The following MECOM variants were observed in gnomAD, a reference collection of about 807,000 sequenced individuals.
The protein encoded by MECOM is histone-lysine N-methyltransferase MECOM.
In MECOM, 13 loss-of-function variants were observed where a neutral mutation model predicts 116.3. That is an observed-to-expected ratio of 0.11 (90% CI 0.07 to 0.18). The LOEUF (loss-of-function observed/expected upper bound fraction) is 0.18. MECOM is among the 10% of genes least tolerant of loss of function. The probability of loss-of-function intolerance (pLI) is 1.00; values close to 1 mark genes in which losing one functional copy is unlikely to be tolerated. For missense variants in MECOM, 1,299 were observed against 1,509.0 expected, an observed-to-expected ratio of 0.86 and a Z score of 2.31; for synonymous variants, 528 against 535.2, an observed-to-expected ratio of 0.99 and a Z score of 0.19.
At chr3:169,095,042 T>G (rs780185513) in intron 13 of MECOM, 34 bp downstream of exon 13, 1 of 1,471,586 alleles carries the variant, frequency 6.8e-7, no homozygotes, top group Admixed American at 2.3e-5. Context: ...GAAAAAGAAG[T>G]CATCTTTGAC....
At chr3:169,455,940 C>A (rs893969992) in intron 1 of MECOM, among the ~76,000 whole-genome samples, 2 of 152,168 alleles carry the variant, frequency 1.3e-5, no homozygotes, top group Admixed American at 6.5e-5. Context: ...CTAGTCCAAG[C>A]CAGAGGCTGC....
intron 2 of MECOM, among the ~76,000 whole-genome samples, chr3:169,194,318 G>A (rs545854673): frequency 6.6e-6 from 1 of 152,154 alleles, no homozygotes; most frequent in South Asian, 2.1e-4. Flanking sequence ...CCGTTGTGGG[G>A]TGGGGGGAGT....
chr3:169,489,859 A>AAAATGTATATATATATATATATAT (rs1298429303), intron 1 of MECOM, among the ~76,000 whole-genome samples: 2 of 152,226 alleles, frequency 1.3e-5, no homozygotes, highest in Admixed American at 1.3e-4. Context: ...TAAAAGCACA[A>AAAATGTATATATATATATATATAT]ACATATAAAG....
chr3:169,191,766 G>GAA (rs1321261855), intron 2 of MECOM, among the ~76,000 whole-genome samples: 32 of 133,394 alleles, frequency 2.4e-4, no homozygotes, highest in African/African-American at 9.0e-4. Context: ...AAGAAAGAAA[G>GAA]AAAGAAAGAA....
At chr3:169,134,081 G>T (rs980517142) in intron 3 of MECOM, 1 of 490,140 alleles carries the variant, frequency 2.0e-6, no homozygotes, top group African/African-American at 2.0e-5. Flanking sequence ...CTCTATTGGG[G>T]AATACTACTT....
intron 2 of MECOM, among the ~76,000 whole-genome samples, chr3:169,379,939 C>T (rs1194338483): frequency 6.6e-6 from 1 of 152,112 alleles, no homozygotes; most frequent in African/African-American, 2.4e-5. Context: ...GCAGCTAAAC[C>T]TCAGCTTTAC....
intron 1 of MECOM, among the ~76,000 whole-genome samples, chr3:169,458,688 A>T (rs968968817): frequency 1.3e-5 from 2 of 152,154 alleles, no homozygotes; most frequent in Non-Finnish European, 2.9e-5. Flanking sequence ...AGGACTGGTG[A>T]CACTTTATTG....
At chr3:169,304,535 A>G (rs1717325190) in intron 2 of MECOM, among the ~76,000 whole-genome samples, 1 of 152,196 alleles carries the variant, frequency 6.6e-6, no homozygotes, top group Non-Finnish European at 1.5e-5. Context: ...AAGCTGCTGG[A>G]CCATTCAGAA....
In MECOM at chr3:169,336,268, TG is replaced by T. The variant is rs1479861225; in HGVS notation, c.375+44918del. On this transcript the variant is annotated intron_variant, in intron 2 of 16. Coordinates refer to ENST00000651503, the MANE Select transcript of MECOM (RefSeq NM_004991.4). ...TCCTGAGTACAATCTAGGGAGCTTCTGGGGGGCCAAATGAAGTCATAGAAGC... is the reference window on the plus strand; with the variant it reads ...TCCTGAGTACAATCTAGGGAGCTTCTGGGGGCCAAATGAAGTCATAGAAGC... Among the ~76,000 whole-genome samples, 24 of 152,008 alleles carry T rather than the reference TG, an allele frequency of 1.6e-4. 1 individual carries two copies.
intron 1 of MECOM, among the ~76,000 whole-genome samples, chr3:169,548,022 C>T (rs1164583018): frequency 1.3e-5 from 2 of 152,192 alleles, no homozygotes; most frequent in African/African-American, 4.8e-5. Flanking sequence ...ATGGAGACAT[C>T]AGTACCAATG....
chr3:169,093,797 G>A (rs1021418445), intron 13 of MECOM, among the ~76,000 whole-genome samples: 2 of 152,148 alleles, frequency 1.3e-5, no homozygotes, highest in Non-Finnish European at 2.9e-5. Flanking sequence ...ATATGTGGTT[G>A]AGCTTTACAC....
chr3:169,491,709 T>C (rs998056317), intron 1 of MECOM, among the ~76,000 whole-genome samples: 1 of 152,204 alleles, frequency 6.6e-6, no homozygotes, highest in Non-Finnish European at 1.5e-5. Context: ...CAAAACTAGC[T>C]CTGTAAGACA....
In MECOM at chr3:169,253,332, G is replaced by A. The variant is rs544642371; in HGVS notation, c.376-109500C>T. ...AAAGGGATCAAGAAATATCTCTAGC[G>A]TGTAACTAAAGGAATTCTCAGCAAA... On this transcript the variant is annotated intron_variant, in intron 2 of 16. Transcript: ENST00000651503. Among the ~76,000 whole-genome samples, 10 of 151,678 alleles carry A rather than the reference G, an allele frequency of 6.6e-5. No homozygotes were observed. The East Asian group carries it at 9.7e-4, about 15-fold the overall frequency.
At chr3:169,495,738 C>T (rs921448727) in intron 1 of MECOM, among the ~76,000 whole-genome samples, 4 of 152,164 alleles carry the variant, frequency 2.6e-5, no homozygotes, top group Admixed American at 2.6e-4. Context: ...CAGTCACTCA[C>T]AAAAGCTCTT....
chr3:169,291,707 T>C (rs1327920212), intron 2 of MECOM, among the ~76,000 whole-genome samples: 2 of 152,214 alleles, frequency 1.3e-5, no homozygotes, highest in Middle Eastern at 3.2e-3. Flanking sequence ...CTCAGATGTA[T>C]AGAACATTCT....
intron 2 of MECOM, among the ~76,000 whole-genome samples, chr3:169,195,042 C>T (rs527612551): frequency 1.7e-4 from 26 of 152,136 alleles, no homozygotes; most frequent in Admixed American, 1.5e-3. Flanking sequence ...ATCTTTCAAC[C>T]TCAGTTTCCA....
intron 2 of MECOM, among the ~76,000 whole-genome samples, chr3:169,374,935 A>G (rs1730760864): frequency 6.6e-6 from 1 of 151,846 alleles, no homozygotes; most frequent in Non-Finnish European, 1.5e-5. Context: ...TACTTGGAAG[A>G]CTGAGGCTGG....
intron 1 of MECOM, among the ~76,000 whole-genome samples, chr3:169,519,233 T>A (rs183580910): frequency 6.6e-6 from 1 of 152,308 alleles, no homozygotes; most frequent in East Asian, 1.9e-4. Flanking sequence ...AACTATAGAA[T>A]CATATTATAT....
At chr3:169,274,630 C>T (rs1428894395) in intron 2 of MECOM, among the ~76,000 whole-genome samples, 5 of 152,058 alleles carry the variant, frequency 3.3e-5, no homozygotes. Flanking sequence ...TTTCTCTAGT[C>T]CTATATGAAT....
Sources: allele counts gnomAD v4.1 joint callset (sites outside exome capture counted in the v4.1 genomes callset), GRCh38; gene constraint gnomAD v4.1.1; transcripts MANE v1.5; gene names NCBI Gene and HGNC (gene_info 2026-07-23, HGNC 2026-07-21).